CSMD3: variants seen among roughly 807,000 people sequenced by gnomAD.
CSMD3 encodes CUB and Sushi multiple domains 3.
In CSMD3, 177 loss-of-function variants were observed where a neutral mutation model predicts 435.2. The observed-to-expected ratio is 0.41, with a 90% CI of 0.36 to 0.46. The LOEUF is 0.46. Ranked by LOEUF, CSMD3 falls within the 20% of genes least tolerant of loss-of-function variation. The pLI is 0.34. For missense variants in CSMD3, 4,265 were observed against 4,504.6 expected, an observed-to-expected ratio of 0.95 and a Z score of 1.52; for synonymous variants, 1,656 against 1,520.5, an observed-to-expected ratio of 1.09 and a Z score of -2.07.
intron 10 of CSMD3, among the ~76,000 whole-genome samples, chr8:112,919,801 T>C (rs2082680903): frequency 6.6e-6 from 1 of 151,846 alleles, no homozygotes; most frequent in South Asian, 2.1e-4. Flanking sequence ...AAAGTAACCC[T>C]TACAAAATGT....
chr8:112,457,850 A>C lies in CSMD3; in HGVS notation c.5395+14741T>G, dbSNP rs1369725176. 2.0e-5 allele frequency among the ~76,000 whole-genome samples: 3 copies of C among 152,012 alleles called. No individual in the cohort carries two copies. In the East Asian group the frequency reaches 5.8e-4, roughly 29 times the overall value. ...TAGGACTGTGTCAAGATTGATGCTT[A>C]CCCACATTTTTTCCAAGAATGGAGG... On this transcript the variant is annotated intron_variant, in intron 32 of 70. Coordinates refer to ENST00000297405, the MANE Select transcript of CSMD3 (RefSeq NM_198123.2).
chr8:112,348,421 C>T (rs1357345534), intron 40 of CSMD3, among the ~76,000 whole-genome samples: 3 of 152,116 alleles, frequency 2.0e-5, no homozygotes, highest in East Asian at 1.9e-4. Flanking sequence ...TTCCAGTTCA[C>T]GAGGCTGTAG....
chr8:112,626,460 C>A (rs1233271914), intron 22 of CSMD3, among the ~76,000 whole-genome samples: 1 of 151,874 alleles, frequency 6.6e-6, no homozygotes. Flanking sequence ...TATATATTTT[C>A]TATTATTTTT....
chr8:113,091,890 T>C (rs2090015354), intron 5 of CSMD3, among the ~76,000 whole-genome samples: 1 of 152,060 alleles, frequency 6.6e-6, no homozygotes, highest in African/African-American at 2.4e-5. Flanking sequence ...TTGAAGTTTT[T>C]CTTTTTTGAT....
chr8:113,028,538 T>C (rs547761547), intron 5 of CSMD3, among the ~76,000 whole-genome samples: 2 of 151,626 alleles, frequency 1.3e-5, no homozygotes, highest in African/African-American at 2.4e-5. Context: ...AAGTTGTGAA[T>C]GCAAAGGAAA....
intron 13 of CSMD3, among the ~76,000 whole-genome samples, chr8:112,795,868 A>G (rs2078815750): frequency 6.6e-6 from 1 of 152,200 alleles, no homozygotes; most frequent in Non-Finnish European, 1.5e-5. Flanking sequence ...CCACACAAGT[A>G]TACAAAAATC....
chr8:112,310,868 A>G, intron 50 of CSMD3, 110 bp downstream of exon 50: 2 of 873,798 alleles, frequency 2.3e-6, no homozygotes, highest in Middle Eastern at 2.1e-4. Flanking sequence ...AGTTCACAAT[A>G]TGCTTCCGAA....
chr8:113,043,602 T>A (rs1285872036), intron 5 of CSMD3, among the ~76,000 whole-genome samples: 1 of 152,172 alleles, frequency 6.6e-6, no homozygotes, highest in Non-Finnish European at 1.5e-5. Flanking sequence ...GACTGAATTA[T>A]TCTTGAAAAA....
At chr8:113,225,425 T>G (rs531717415) in intron 3 of CSMD3, among the ~76,000 whole-genome samples, 13 of 151,648 alleles carry the variant, frequency 8.6e-5, no homozygotes, top group African/African-American at 3.1e-4. Flanking sequence ...CAGTGAGAAT[T>G]TATCTGAATA....
At chr8:113,364,427 T>G (rs7819831) in intron 1 of CSMD3, among the ~76,000 whole-genome samples, 1 of 152,028 alleles carries the variant, frequency 6.6e-6, no homozygotes, top group South Asian at 2.1e-4. Flanking sequence ...GAAAAAAAAT[T>G]TGAATGTGGA....
intron 13 of CSMD3, among the ~76,000 whole-genome samples, chr8:112,751,982 A>G (rs2077582299): frequency 6.6e-6 from 1 of 151,922 alleles, no homozygotes; most frequent in Non-Finnish European, 1.5e-5. Context: ...TCTCTCTCCC[A>G]CATCATGTTT....
chr8:112,908,875 C>T (rs551611102), intron 10 of CSMD3, among the ~76,000 whole-genome samples: 85 of 151,474 alleles, frequency 5.6e-4, no homozygotes, highest in African/African-American at 1.9e-3. Flanking sequence ...TAACCTGTGT[C>T]CTCCTTGCAT....
intron 3 of CSMD3, among the ~76,000 whole-genome samples, chr8:113,267,115 T>C (rs1194339738): frequency 6.6e-6 from 1 of 151,738 alleles, no homozygotes; most frequent in Non-Finnish European, 1.5e-5. Context: ...TGTGCAATGA[T>C]GTGGAGAAAT....
chr8:112,811,028 T>C (rs1404293258), intron 12 of CSMD3, among the ~76,000 whole-genome samples: 1 of 152,028 alleles, frequency 6.6e-6, no homozygotes, highest in Admixed American at 6.6e-5. Context: ...ATTGGTTCAC[T>C]TAAATATTTA....
intron 11 of CSMD3, among the ~76,000 whole-genome samples, chr8:112,837,165 A>C (rs1264029141): frequency 1.3e-5 from 2 of 151,840 alleles, no homozygotes; most frequent in Non-Finnish European, 2.9e-5. Context: ...TTCGGGAAAA[A>C]AATATAGAAA....
chr8:112,978,302 C>G (rs2084928129), intron 6 of CSMD3, among the ~76,000 whole-genome samples: 1 of 151,940 alleles, frequency 6.6e-6, no homozygotes, highest in South Asian at 2.1e-4. Context: ...CATATTCCAT[C>G]AGAGTCATTA....
At chr8:112,929,121 T>C (rs2083012108) in intron 9 of CSMD3, among the ~76,000 whole-genome samples, 1 of 149,076 alleles carries the variant, frequency 6.7e-6, no homozygotes, top group Admixed American at 6.7e-5. Context: ...CTTCGCCCAC[T>C]TTTTGATGGG....
chr8:113,139,536 A>T (rs1324083850), intron 4 of CSMD3, among the ~76,000 whole-genome samples: 1 of 151,114 alleles, frequency 6.6e-6, no homozygotes, highest in East Asian at 1.9e-4. Flanking sequence ...GTGATAAATT[A>T]TGTAAATATA....
intron 2 of CSMD3, among the ~76,000 whole-genome samples, chr8:113,303,928 A>G (rs1032022539): frequency 1.4e-5 from 2 of 138,380 alleles, no homozygotes; most frequent in African/African-American, 2.6e-5. Context: ...TAATTAAACT[A>G]AAGAGCTTCT....
Sources: allele counts gnomAD v4.1 joint callset (sites outside exome capture counted in the v4.1 genomes callset), GRCh38; gene constraint gnomAD v4.1.1; transcripts MANE v1.5; gene names NCBI Gene and HGNC (gene_info 2026-07-23, HGNC 2026-07-21).